Variants in CFAP44 observed in about 807,000 individuals in gnomAD.
The protein encoded by CFAP44 is cilia and flagella associated protein 44.
CFAP44 carries 134 observed loss-of-function variants against 216.2 expected under a neutral mutation model. The observed-to-expected ratio is 0.62, with a 90% CI of 0.54 to 0.72. CFAP44 has a LOEUF of 0.72. CFAP44 is among the 30% of genes least tolerant of loss of function. CFAP44 has a pLI of 0.00. For missense variants in CFAP44, 2,035 were observed against 2,182.1 expected, an observed-to-expected ratio of 0.93 and a Z score of 1.34; for synonymous variants, 700 against 727.6, an observed-to-expected ratio of 0.96 and a Z score of 0.61.
At chr3:113,425,797 C>T (rs1934943983) in intron 4 of CFAP44, among the ~76,000 whole-genome samples, 1 of 152,152 alleles carries the variant, frequency 6.6e-6, no homozygotes, top group African/African-American at 2.4e-5. Flanking sequence ...TAAGATCATG[C>T]ATTTCTATCA....
chr3:113,357,213 G>C (rs953175032), intron 22 of CFAP44, among the ~76,000 whole-genome samples: 1 of 152,152 alleles, frequency 6.6e-6, no homozygotes, highest in Non-Finnish European at 1.5e-5. Context: ...ACAATCCCAA[G>C]CATGAGTATT....
At chr3:113,300,696 G>A (rs1377486637) in intron 32 of CFAP44, among the ~76,000 whole-genome samples, 3 of 151,768 alleles carry the variant, frequency 2.0e-5, no homozygotes, top group Admixed American at 6.6e-5. Context: ...CAAAATACAT[G>A]AACAGACATT....
In CFAP44 at chr3:113,341,738, ACTCACAGTTC is replaced by A. The variant is rs1198415907; in HGVS notation, c.3433_3437+5del. 5 of 1,466,946 alleles carry A rather than the reference ACTCACAGTTC, an allele frequency of 3.4e-6. No homozygotes were observed. Among genetic ancestry groups the A allele is most frequent in the Non-Finnish European group, 4.5e-6 (5 of 1,121,744 alleles). 90.9% of individuals were successfully genotyped at this position (1,466,946 alleles called of 1,614,324 possible). On this transcript the variant is annotated splice_donor_variant and splice_donor_5th_base_variant and coding_sequence_variant and intron_variant, in exon 24 of 35. Coordinates refer to ENST00000393845, the MANE Select transcript of CFAP44 (RefSeq NM_001164496.2). LOFTEE classifies it high-confidence loss of function. ...AAGATAAGAGTTTAGGTAAAAAAAA[ACTCACAGTTC>A]CTCCCATTCTTTTTTTCGCTGTTGA...
intron 18 of CFAP44, among the ~76,000 whole-genome samples, chr3:113,369,946 A>G (rs1234270570): frequency 1.3e-5 from 2 of 152,230 alleles, no homozygotes; most frequent in Admixed American, 1.3e-4. Flanking sequence ...AGAATACTAT[A>G]AACACCTCTA....
At chr3:113,326,749 A>G (rs1223489855) in intron 27 of CFAP44, 109 bp from the exon 28 acceptor site, 5 of 601,192 alleles carry the variant, frequency 8.3e-6, no homozygotes, top group African/African-American at 5.8e-5. Flanking sequence ...ATTTTTTAAA[A>G]CTTCTTAAAA....
At chr3:113,311,895 G>A (rs912386377) in intron 28 of CFAP44, among the ~76,000 whole-genome samples, 3 of 152,152 alleles carry the variant, frequency 2.0e-5, no homozygotes, top group Admixed American at 6.5e-5. Context: ...ACTTTTGTTA[G>A]TTTTAGCAAA....
chr3:113,409,023 A>AC, intron 7 of CFAP44, 83 bp downstream of exon 7: 1 of 847,086 alleles, frequency 1.2e-6, no homozygotes, highest in Non-Finnish European at 1.7e-6. Flanking sequence ...AAAAAAAAAA[A>AC]AAAAAAGTCT....
intron 13 of CFAP44, among the ~76,000 whole-genome samples, 188 bp downstream of exon 13, chr3:113,399,718 A>T (rs1934090093): frequency 6.6e-6 from 1 of 152,234 alleles, no homozygotes; most frequent in Admixed American, 6.5e-5. Context: ...TTCACTAAAA[A>T]CAAGACCAAA....
intron 7 of CFAP44, among the ~76,000 whole-genome samples, chr3:113,407,867 T>A (rs1934330254): frequency 6.6e-6 from 1 of 152,222 alleles, no homozygotes; most frequent in African/African-American, 2.4e-5. Context: ...GGTCCCCTGA[T>A]GATATGCTTC....
intron 23 of CFAP44, 70 bp downstream of exon 23, chr3:113,344,446 C>G: frequency 7.4e-7 from 1 of 1,346,766 alleles, no homozygotes; most frequent in East Asian, 2.5e-5. Flanking sequence ...TTCAATGGTT[C>G]TGTCCACAGA....
At chr3:113,425,876 A>C (rs1469510742) in intron 4 of CFAP44, 1 of 392,452 alleles carries the variant, frequency 2.5e-6, no homozygotes, top group Admixed American at 4.0e-5. Context: ...TATAAAGGGA[A>C]GGTAGTAAAT....
intron 15 of CFAP44, among the ~76,000 whole-genome samples, chr3:113,389,064 C>A (rs1933727048): frequency 6.6e-6 from 1 of 152,158 alleles, no homozygotes; most frequent in African/African-American, 2.4e-5. Context: ...CCAATGGCTG[C>A]AGAATACACA....
chr3:113,385,808 G>A (rs1933635431), intron 15 of CFAP44, among the ~76,000 whole-genome samples: 1 of 119,614 alleles, frequency 8.4e-6, no homozygotes, highest in South Asian at 2.7e-4. Flanking sequence ...GCTAATTTTT[G>A]TATTTTTTTT....
At chr3:113,313,896 A>G (rs115365310) in intron 28 of CFAP44, among the ~76,000 whole-genome samples, 4,389 of 152,332 alleles carry the variant, frequency 0.029, 110 homozygotes, top group East Asian at 0.099. Flanking sequence ...GTGTGAGAAC[A>G]GACTAATACA....
chr3:113,330,131 T>A, intron 26 of CFAP44, 37 bp downstream of exon 26: 1 of 1,462,142 alleles, frequency 6.8e-7, no homozygotes, highest in Non-Finnish European at 9.0e-7. Flanking sequence ...TTCTCTTCTC[T>A]CTTTCAGCTT....
intron 19 of CFAP44, 41 bp downstream of exon 19, chr3:113,365,998 A>C (rs1178378475): frequency 1.3e-6 from 2 of 1,548,048 alleles, no homozygotes; most frequent in Non-Finnish European, 1.7e-6. Flanking sequence ...CTATTTTTAA[A>C]TACAGTTTGT....
intron 16 of CFAP44, 85 bp from the exon 17 acceptor site, chr3:113,379,636 A>C (rs768723685): frequency 3.1e-5 from 34 of 1,082,052 alleles, no homozygotes; most frequent in Non-Finnish European, 4.1e-5. Context: ...ATGAAAATAG[A>C]AAGAAGATAC....
chr3:113,340,340 C>A (rs1950320433), intron 24 of CFAP44, among the ~76,000 whole-genome samples: 1 of 152,144 alleles, frequency 6.6e-6, no homozygotes, highest in African/African-American at 2.4e-5. Flanking sequence ...AGAACCATTT[C>A]AAAGACAGAA....
At chr3:113,366,441 T>C (rs1932938611) in intron 18 of CFAP44, 132 bp from the exon 19 acceptor site, 2 of 1,064,060 alleles carry the variant, frequency 1.9e-6, no homozygotes, top group African/African-American at 3.2e-5. Context: ...AAAATTCCTA[T>C]ATTGAAGCCC....
Sources: allele counts gnomAD v4.1 joint callset (sites outside exome capture counted in the v4.1 genomes callset), GRCh38; gene constraint gnomAD v4.1.1; transcripts MANE v1.5; gene names NCBI Gene and HGNC (gene_info 2026-07-23, HGNC 2026-07-21).